Variants in AKR1C8 observed in about 807,000 individuals in gnomAD.
AKR1C8 encodes the protein aldo-keto reductase family 1 member C8.
At chr10:5,159,836 G>C in the AKR1C8 span, 2 of 481,514 alleles carry the variant, frequency 4.2e-6, no homozygotes. Flanking sequence ...CAGGAAGTGT[G>C]TGAACAGCAA....
chr10:5,168,100 T>C, the AKR1C8 span, among the ~76,000 whole-genome samples: 1 of 152,088 alleles, frequency 6.6e-6, no homozygotes, highest in Non-Finnish European at 1.5e-5. Context: ...CCTAGACTCC[T>C]GAGAAAAGTG....
the AKR1C8 span, among the ~76,000 whole-genome samples, chr10:5,178,097 T>G: frequency 6.5e-3 from 984 of 151,920 alleles, 15 homozygotes; most frequent in African/African-American, 0.023. Context: ...GATCTTTCCT[T>G]CTTTTTCTTG....
the AKR1C8 span, among the ~76,000 whole-genome samples, chr10:5,182,938 T>C: frequency 1.3e-5 from 2 of 152,004 alleles, no homozygotes; most frequent in Admixed American, 6.6e-5. Context: ...CTTACTATTC[T>C]TTATACAGAT....
At chr10:5,129,681 A>C in the AKR1C8 span, among the ~76,000 whole-genome samples, 1 of 152,100 alleles carries the variant, frequency 6.6e-6, no homozygotes, top group African/African-American at 2.4e-5. Flanking sequence ...GTAAATGGAT[A>C]AATTCCTAGA....
the AKR1C8 span, among the ~76,000 whole-genome samples, chr10:5,167,521 A>C: frequency 6.6e-6 from 1 of 152,224 alleles, no homozygotes; most frequent in South Asian, 2.1e-4. Flanking sequence ...ATTCTCAGCA[A>C]ACTATCGCAA....
At chr10:5,117,846 A>C in the AKR1C8 span, among the ~76,000 whole-genome samples, 1 of 152,168 alleles carries the variant, frequency 6.6e-6, no homozygotes, top group East Asian at 1.9e-4. Flanking sequence ...TTCACTTGTT[A>C]CTGCAGGGAG....
chr10:5,173,082 T>A, the AKR1C8 span, among the ~76,000 whole-genome samples: 1 of 152,138 alleles, frequency 6.6e-6, no homozygotes, highest in Admixed American at 6.6e-5. Context: ...TTTTCCAAAA[T>A]GAGATTTGTG....
the AKR1C8 span, among the ~76,000 whole-genome samples, chr10:5,127,237 A>G: frequency 6.6e-6 from 1 of 152,178 alleles, no homozygotes; most frequent in Non-Finnish European, 1.5e-5. Flanking sequence ...AATTCAGGAT[A>G]TAAATGAAAA....
chr10:5,138,831 A>T, the AKR1C8 span, among the ~76,000 whole-genome samples: 1 of 152,154 alleles, frequency 6.6e-6, no homozygotes, highest in African/African-American at 2.4e-5. Flanking sequence ...AGAGAAAGAA[A>T]TAAAGAGTAT....
chr10:5,141,365 G>A, the AKR1C8 span, among the ~76,000 whole-genome samples: 1 of 152,060 alleles, frequency 6.6e-6, no homozygotes, highest in Non-Finnish European at 1.5e-5. Context: ...AATCATCCAT[G>A]AGAGTTGTAA....
At chr10:5,175,349 C>T in the AKR1C8 span, among the ~76,000 whole-genome samples, 3 of 152,038 alleles carry the variant, frequency 2.0e-5, no homozygotes, top group Non-Finnish European at 4.4e-5. Context: ...TGTATATGTG[C>T]CACATTTTCT....
the AKR1C8 span, among the ~76,000 whole-genome samples, chr10:5,177,092 C>T: frequency 3.3e-5 from 5 of 152,098 alleles, no homozygotes; most frequent in African/African-American, 1.2e-4. Context: ...TTTGCCCATT[C>T]AGTATGATAT....
the AKR1C8 span, among the ~76,000 whole-genome samples, chr10:5,158,170 C>T: frequency 6.6e-6 from 1 of 152,092 alleles, no homozygotes; most frequent in East Asian, 1.9e-4. Context: ...GCACACAAAA[C>T]TAATCTAAGG....
At chr10:5,152,419 C>T in the AKR1C8 span, among the ~76,000 whole-genome samples, 2 of 152,154 alleles carry the variant, frequency 1.3e-5, no homozygotes, top group South Asian at 4.1e-4. Context: ...ATCACAGCAA[C>T]TTGTATAAGT....
the AKR1C8 span, among the ~76,000 whole-genome samples, chr10:5,172,376 T>C: frequency 6.6e-6 from 1 of 152,088 alleles, no homozygotes; most frequent in African/African-American, 2.4e-5. Flanking sequence ...ATATAAGTTA[T>C]CTTTTTTAAA....
chr10:5,174,308 C>A, the AKR1C8 span, among the ~76,000 whole-genome samples: 1 of 8,700 alleles, frequency 1.1e-4, no homozygotes, highest in African/African-American at 1.3e-4. Flanking sequence ...ATTAATTAAC[C>A]TAAAAAAAAA....
At chr10:5,139,105 G>A in the AKR1C8 span, among the ~76,000 whole-genome samples, 1 of 152,188 alleles carries the variant, frequency 6.6e-6, no homozygotes, top group Non-Finnish European at 1.5e-5. Flanking sequence ...CAAGGGATGT[G>A]AAGGACCTTT....
the AKR1C8 span, among the ~76,000 whole-genome samples, chr10:5,180,013 G>A: frequency 5.9e-5 from 9 of 152,304 alleles, no homozygotes; most frequent in Non-Finnish European, 1.2e-4. Context: ...TCCGTTGCTG[G>A]TGAGGAACTG....
chr10:5,123,373 C>A, the AKR1C8 span: 50 of 325,768 alleles, frequency 1.5e-4, no homozygotes, highest in Non-Finnish European at 2.3e-4. Flanking sequence ...CTGGGGATCA[C>A]TTGTGCATTT....
Sources: allele counts gnomAD v4.1 joint callset (sites outside exome capture counted in the v4.1 genomes callset), GRCh38; gene constraint gnomAD v4.1.1; transcripts MANE v1.5; gene names NCBI Gene and HGNC (gene_info 2026-07-23, HGNC 2026-07-21).